Variants in IGF2BP3 observed in about 807,000 individuals in gnomAD.
IGF2BP3 encodes the protein insulin like growth factor 2 mRNA binding protein 3.
In IGF2BP3, 9 loss-of-function variants were observed where a neutral mutation model predicts 73.8. The ratio of observed to expected loss-of-function variants is 0.12; its 90% CI spans 0.07 to 0.21. The LOEUF (loss-of-function observed/expected upper bound fraction) is 0.21. Among genes scored for constraint, IGF2BP3 ranks in the 10% least tolerant of loss-of-function variants. The probability of loss-of-function intolerance (pLI) is 1.00; values close to 1 mark genes in which losing one functional copy is unlikely to be tolerated. For synonymous variants in IGF2BP3, 258 were observed against 256.7 expected (o/e 1.01, Z -0.05); for missense variants, 542 against 714.0 (o/e 0.76, Z 2.75).
chr7:23,348,895 T>C lies in IGF2BP3; in HGVS notation c.684-1161A>G, dbSNP rs1304218678. Among the ~76,000 whole-genome samples the C allele has an allele frequency of 1.3e-5, 2 of 152,176 alleles. 1 individual carries two copies. Among genetic ancestry groups the C allele is most frequent in the East Asian group, 3.8e-4 (2 of 5,204 alleles). ...AGTATATTCATATCATACAGATGTT[T>C]TTGAAAATGTGGTAAAATTACAAGT... On this transcript the variant is annotated intron_variant, in intron 6 of 14. Transcript: ENST00000258729.
intron 5 of IGF2BP3, among the ~76,000 whole-genome samples, chr7:23,360,680 G>GC (rs758576209): frequency 1.3e-5 from 2 of 152,100 alleles, no homozygotes; most frequent in Non-Finnish European, 2.9e-5. Context: ...TCCTACTCTT[G>GC]CAGCTCGTTT....
chr7:23,462,173 G>A (rs1788463620), intron 2 of IGF2BP3, among the ~76,000 whole-genome samples: 1 of 152,146 alleles, frequency 6.6e-6, no homozygotes, highest in African/African-American at 2.4e-5. Flanking sequence ...GACACAGAAT[G>A]AGAAAGAATA....
At chr7:23,325,401 C>T (rs900233984) in intron 10 of IGF2BP3, among the ~76,000 whole-genome samples, 4 of 152,062 alleles carry the variant, frequency 2.6e-5, no homozygotes, top group African/African-American at 7.2e-5. Context: ...AACTACAAAC[C>T]ACTGCTCAAT....
intron 10 of IGF2BP3, among the ~76,000 whole-genome samples, chr7:23,338,656 C>T (rs1452071480): frequency 6.6e-6 from 1 of 152,180 alleles, no homozygotes; most frequent in Non-Finnish European, 1.5e-5. Context: ...CTTGGCTACA[C>T]ATTGGAGTCA....
chr7:23,367,621 G>C (rs4265084), intron 3 of IGF2BP3, among the ~76,000 whole-genome samples: 56,440 of 151,878 alleles, frequency 0.37, 10,729 homozygotes, highest in Middle Eastern at 0.47. Flanking sequence ...GCAAAGTAAA[G>C]CCTCATAGAA....
rs1783853010 is a variant in IGF2BP3 at position 23,312,275 on chromosome 7, T to C, written c.*87A>G. On this transcript the variant is annotated 3_prime_UTR_variant, in exon 15 of 15. Transcript: ENST00000258729. ...AGGTAAAAACTTGTGCATGTGATTC[T>C]GGATAGGGGGTCAGCGCCCATCTGT... is the stretch of plus-strand genomic sequence containing the variant. The C allele has an allele frequency of 3.1e-6, 3 of 976,902 alleles. No homozygotes were observed. The Admixed American group carries it at 5.9e-5, about 19-fold the overall frequency. The allele number at this position is 976,902 out of a possible 1,614,324, so 60.5% of individuals were successfully genotyped here.
chr7:23,342,229 G>T (rs1409222906), intron 9 of IGF2BP3, 40 bp from the exon 10 acceptor site: 1 of 1,608,818 alleles, frequency 6.2e-7, no homozygotes, highest in South Asian at 1.1e-5. Context: ...ACAATTAAAA[G>T]AATCAAGGGA....
intron 10 of IGF2BP3, among the ~76,000 whole-genome samples, chr7:23,337,545 G>A (rs1388525780): frequency 6.6e-6 from 1 of 152,134 alleles, no homozygotes; most frequent in Non-Finnish European, 1.5e-5. Flanking sequence ...TGTGTTTAAT[G>A]GGCACATTGC....
At chr7:23,363,557 T>C (rs1785287067) in intron 3 of IGF2BP3, among the ~76,000 whole-genome samples, 1 of 152,238 alleles carries the variant, frequency 6.6e-6, no homozygotes, top group Admixed American at 6.5e-5. Flanking sequence ...GTTTTTCTTT[T>C]AAATAAGGTT....
intron 5 of IGF2BP3, among the ~76,000 whole-genome samples, chr7:23,360,514 T>C (rs1785199168): frequency 6.6e-6 from 1 of 152,254 alleles, no homozygotes; most frequent in Non-Finnish European, 1.5e-5. Flanking sequence ...ATTTGTACTA[T>C]GTGCATCTTC....
chr7:23,355,404 TC>T (rs1032495434), intron 5 of IGF2BP3, among the ~76,000 whole-genome samples: 14 of 151,894 alleles, frequency 9.2e-5, no homozygotes, highest in African/African-American at 3.1e-4. Flanking sequence ...TATTTTTTTT[TC>T]TTTTAACTAG....
At chr7:23,442,009 C>T (rs926959304) in intron 2 of IGF2BP3, among the ~76,000 whole-genome samples, 1 of 151,932 alleles carries the variant, frequency 6.6e-6, no homozygotes, top group Non-Finnish European at 1.5e-5. Context: ...TGCCTGTAAT[C>T]CCACCTACTC....
chr7:23,357,264 G>C (rs953702810), intron 5 of IGF2BP3, among the ~76,000 whole-genome samples: 1 of 151,272 alleles, frequency 6.6e-6, no homozygotes, highest in Non-Finnish European at 1.5e-5. Context: ...GAACTGCAAT[G>C]ATAGTTTCTT....
intron 10 of IGF2BP3, among the ~76,000 whole-genome samples, chr7:23,336,038 T>G (rs1354168384): frequency 6.6e-6 from 1 of 152,084 alleles, no homozygotes; most frequent in Non-Finnish European, 1.5e-5. Flanking sequence ...GTGGGGGAAC[T>G]AGTAGGCAAA....
Position 23,450,419 on chromosome 7 carries a change from C to T in IGF2BP3, c.236+18063G>A, listed in dbSNP as rs189856329. On this transcript the variant is annotated intron_variant, in intron 2 of 14. Transcript: ENST00000258729. ...AATGAGTCTGTCACTTCAGGTAAAA[C>T]GATTTTCCTGAAGTATCTGTTGCCA... is the stretch of plus-strand genomic sequence containing the variant. Among the ~76,000 whole-genome samples, 10 of 152,188 alleles carry T rather than the reference C, an allele frequency of 6.6e-5. No individual in the cohort carries two copies. The East Asian group carries it at 1.5e-3, about 23-fold the overall frequency.
chr7:23,320,033 C>T (rs557281842), intron 10 of IGF2BP3, among the ~76,000 whole-genome samples: 2 of 152,156 alleles, frequency 1.3e-5, no homozygotes, highest in East Asian at 3.9e-4. Context: ...GCCTCAGCTT[C>T]CCAAGGAGCT....
chr7:23,388,419 TC>T (rs1446271954), intron 3 of IGF2BP3, among the ~76,000 whole-genome samples: 1 of 152,104 alleles, frequency 6.6e-6, no homozygotes, highest in Non-Finnish European at 1.5e-5. Flanking sequence ...CAAAACTTTT[TC>T]ATACGCATAT....
At chr7:23,445,655 T>C (rs1788042154) in intron 2 of IGF2BP3, among the ~76,000 whole-genome samples, 1 of 152,192 alleles carries the variant, frequency 6.6e-6, no homozygotes, top group African/African-American at 2.4e-5. Context: ...CGTGTAACAA[T>C]GCTTTACCAA....
chr7:23,318,344 T>A (rs528669561), intron 11 of IGF2BP3, among the ~76,000 whole-genome samples: 2 of 152,116 alleles, frequency 1.3e-5, no homozygotes, highest in East Asian at 3.9e-4. Context: ...CACCTCAGCC[T>A]CCCAAGCAGC....
Sources: allele counts gnomAD v4.1 joint callset (sites outside exome capture counted in the v4.1 genomes callset), GRCh38; gene constraint gnomAD v4.1.1; transcripts MANE v1.5; gene names NCBI Gene and HGNC (gene_info 2026-07-23, HGNC 2026-07-21).